The following ZNF280C variants were observed in gnomAD, a reference collection of about 807,000 sequenced individuals.
ZNF280C encodes the protein zinc finger protein 280C, also known as suppressor of hairy wing homolog 3.
ZNF280C carries 14 observed loss-of-function variants against 53.6 expected under a neutral mutation model. That is an observed-to-expected ratio of 0.26 (90% CI 0.17 to 0.41). The LOEUF (loss-of-function observed/expected upper bound fraction) is 0.41. ZNF280C is among the 10% of genes least tolerant of loss of function. The probability of loss-of-function intolerance (pLI) is 1.00; values close to 1 mark genes in which losing one functional copy is unlikely to be tolerated. For synonymous variants in ZNF280C, 203 were observed against 181.1 expected (o/e 1.12, Z -0.97); for missense variants, 416 against 547.1 (o/e 0.76, Z 2.39).
chrX:130,211,549 A>G (rs2032041301), intron 15 of ZNF280C, among the ~76,000 whole-genome samples: 1 of 111,528 alleles, frequency 9.0e-6, no homozygotes, highest in Non-Finnish European at 1.9e-5. Flanking sequence ...AGGGTGCACC[A>G]TTCAGAGGAA....
chrX:130,227,629 T>C (rs2032233527), intron 11 of ZNF280C, 53 bp downstream of exon 11: 1 of 861,126 alleles, frequency 1.2e-6, no homozygotes, highest in Admixed American at 2.3e-5. Context: ...TACTATTTCA[T>C]GGCACATGAA....
chrX:130,235,439 G>C (rs1272521137), intron 8 of ZNF280C, among the ~76,000 whole-genome samples: 1 of 112,031 alleles, frequency 8.9e-6, no homozygotes, highest in African/African-American at 3.2e-5. Context: ...GCCTGAACTG[G>C]AGAGGCAAAT....
intron 15 of ZNF280C, among the ~76,000 whole-genome samples, 154 bp downstream of exon 15, chrX:130,215,039 G>C (rs1454281779): frequency 8.9e-6 from 1 of 111,889 alleles, no homozygotes; most frequent in Non-Finnish European, 1.9e-5. Flanking sequence ...TACTATGCTG[G>C]AAAATAGTAC....
At chrX:130,265,707 T>C (rs1251408381) in intron 1 of ZNF280C, among the ~76,000 whole-genome samples, 1 of 112,261 alleles carries the variant, frequency 8.9e-6, no homozygotes, top group African/African-American at 3.2e-5. Flanking sequence ...TAAGCCTTAG[T>C]TTTTCTATCT....
chrX:130,236,699 T>C lies in ZNF280C; in HGVS notation c.494-60A>G, dbSNP rs994784010. The C allele has an allele frequency of 3.7e-6, 3 of 819,441 alleles. No homozygotes were observed. The African/African-American group carries it at 6.4e-5, about 17-fold the overall frequency. The allele number at this position is 819,441 out of a possible 1,213,427, so 67.5% of individuals were successfully genotyped here. A position where few individuals can be genotyped will look rare whatever the true frequency, so the allele number is the denominator to read the frequency against. On this transcript the variant is annotated intron_variant, in intron 6 of 18. Transcript: ENST00000370978. Reference sequence around the variant, plus strand: ...AAATATTTCAGTATGGAATATTGCTTATGTAAAACTGCTACCAAAATGGCT... The same window carrying C: ...AAATATTTCAGTATGGAATATTGCTCATGTAAAACTGCTACCAAAATGGCT...
chrX:130,248,124 C>G (rs187295761), intron 2 of ZNF280C, among the ~76,000 whole-genome samples: 1 of 97,108 alleles, frequency 1.0e-5, no homozygotes, highest in South Asian at 5.5e-4. Context: ...GGATGGCAAA[C>G]TAGATACAGA....
chrX:130,259,251 G>C (rs983734573), intron 2 of ZNF280C, among the ~76,000 whole-genome samples: 7 of 112,226 alleles, frequency 6.2e-5, no homozygotes, highest in Non-Finnish European at 1.3e-4. Context: ...CCTACACACA[G>C]TAGTGTATTG....
chrX:130,221,048 T>C (rs1287014603), intron 12 of ZNF280C, among the ~76,000 whole-genome samples: 1 of 111,875 alleles, frequency 8.9e-6, no homozygotes, highest in Non-Finnish European at 1.9e-5. Flanking sequence ...AACAATCTTT[T>C]AGGAAAACCA....
At chrX:130,222,765 A>G (rs1166433026) in intron 12 of ZNF280C, among the ~76,000 whole-genome samples, 3 of 110,578 alleles carry the variant, frequency 2.7e-5, no homozygotes, top group Non-Finnish European at 5.7e-5. Flanking sequence ...CCTGGGTTCA[A>G]GCAGTTCTCC....
chrX:130,226,720 C>T (rs748287891), intron 12 of ZNF280C, 39 bp downstream of exon 12: 21 of 1,176,163 alleles, frequency 1.8e-5, no homozygotes, highest in Admixed American at 1.7e-4. Flanking sequence ...TATCTTTTCA[C>T]TAAGACAACA....
At position 130,222,666 on chromosome X, in the gene ZNF280C, CTTTTT is replaced by C. The variant is rs762758240; in HGVS notation, c.1396-2191_1396-2187del. Among the ~76,000 whole-genome samples, 257 of 111,578 alleles carry C rather than the reference CTTTTT, an allele frequency of 2.3e-3. 2 individuals are homozygous for C. Among genetic ancestry groups the C allele is most frequent in the South Asian group, 0.012 (32 of 2,685 alleles). ...ATTGTGCTAATGATCACAGATGATACTTTTTTTTGTTTTTTGAGATACAGTTTTGC... is the reference window on the plus strand; with the variant it reads ...ATTGTGCTAATGATCACAGATGATACTTTGTTTTTTGAGATACAGTTTTGC... On this transcript the variant is annotated intron_variant, in intron 12 of 18. Transcript: ENST00000370978.
At chrX:130,230,401 G>A in intron 9 of ZNF280C, 109 bp downstream of exon 9, 1 of 468,952 alleles carries the variant, frequency 2.1e-6, no homozygotes, top group Non-Finnish European at 3.4e-6. Flanking sequence ...GTTCTTAGTA[G>A]AAAGTATTAG....
chrX:130,255,141 C>CTTT (rs754125713), intron 2 of ZNF280C, among the ~76,000 whole-genome samples: 2 of 91,155 alleles, frequency 2.2e-5, no homozygotes, highest in Non-Finnish European at 4.4e-5. Context: ...CTTTTTTTTT[C>CTTT]TTTTTTTTTT....
intron 8 of ZNF280C, among the ~76,000 whole-genome samples, chrX:130,234,444 A>G (rs1238347263): frequency 8.9e-6 from 1 of 112,340 alleles, no homozygotes; most frequent in Non-Finnish European, 1.9e-5. Context: ...TTTCCCAAAC[A>G]CACTCAGGGA....
At chrX:130,265,852 T>G (rs751610145) in intron 1 of ZNF280C, among the ~76,000 whole-genome samples, 1 of 112,486 alleles carries the variant, frequency 8.9e-6, no homozygotes, top group South Asian at 3.6e-4. Context: ...TACCGTTAAG[T>G]TGATGAATAC....
chrX:130,252,675 G>A (rs1004372588), intron 2 of ZNF280C, among the ~76,000 whole-genome samples: 15 of 109,262 alleles, frequency 1.4e-4, no homozygotes, highest in African/African-American at 5.0e-4. Flanking sequence ...AGCCAAGATC[G>A]TGCCACTGCA....
At chrX:130,225,311 A>C (rs2032209441) in intron 12 of ZNF280C, among the ~76,000 whole-genome samples, 1 of 110,886 alleles carries the variant, frequency 9.0e-6, no homozygotes, top group Admixed American at 9.6e-5. Context: ...AAGGCCAAAA[A>C]ATGAAATACA....
At chrX:130,207,173 T>C (rs1329835027) in intron 16 of ZNF280C, among the ~76,000 whole-genome samples, 1 of 111,380 alleles carries the variant, frequency 9.0e-6, no homozygotes. Flanking sequence ...CCAGCCTATG[T>C]GTCTCATGCA....
chrX:130,209,518 G>A, intron 16 of ZNF280C, 135 bp downstream of exon 16: 1 of 528,604 alleles, frequency 1.9e-6, no homozygotes, highest in South Asian at 2.9e-5. Context: ...AGAGATGATA[G>A]GCTATCCCTC....
Sources: gnomAD v4.1 joint callset for allele counts (sites outside exome capture counted in the v4.1 genomes callset) on GRCh38, gnomAD v4.1.1 for gene constraint, MANE v1.5 for transcripts, NCBI Gene and HGNC (gene_info 2026-07-23, HGNC 2026-07-21) for gene names.